Variants in ZNF831 observed in about 807,000 individuals in gnomAD.
The protein encoded by ZNF831 is chromosome 20 open reading frame 174.
ZNF831 carries 59 observed loss-of-function variants against 95.8 expected under a neutral mutation model. The observed-to-expected ratio is 0.62, with a 90% CI of 0.50 to 0.77. The LOEUF (loss-of-function observed/expected upper bound fraction) is 0.77. Ranked by LOEUF, ZNF831 falls within the 30% of genes least tolerant of loss-of-function variation. The pLI, the probability that ZNF831 is intolerant of heterozygous loss-of-function variation, is 0.00. For synonymous variants in ZNF831, 961 were observed against 925.5 expected, an observed-to-expected ratio of 1.04 and a Z score of -0.70; for missense variants, 2,205 against 2,164.0, an observed-to-expected ratio of 1.02 and a Z score of -0.38.
chr20:59,206,056 T>G (rs1601397138), intron 3 of ZNF831, among the ~76,000 whole-genome samples: 2 of 152,380 alleles, frequency 1.3e-5, no homozygotes, highest in Admixed American at 1.3e-4. Context: ...CTCTAGTGTT[T>G]TTCTTTCTCT....
chr20:59,251,495 C>T (rs1043970839), intron 4 of ZNF831, among the ~76,000 whole-genome samples: 2 of 152,220 alleles, frequency 1.3e-5, no homozygotes, highest in African/African-American at 4.8e-5. Context: ...AAGAGTTATA[C>T]TTCATGTACC....
Position 59,193,437 on chromosome 20 carries a change from G to C in ZNF831, c.2418G>C (p.Leu806=), listed in dbSNP as rs368491292. Residue 806 remains leucine, a synonymous_variant, in exon 2 of 6, where the codon CTG becomes CTC. Coordinates refer to ENST00000371030, the MANE Select transcript of ZNF831 (RefSeq NM_178457.3). ...QETCLWAQTV[L]RWPSRGSGED... is the part of the protein sequence containing the mutation. ...CCTGCCTGTGGGCCCAGACTGTCCT[G>C]AGATGGCCCAGCAGGGGCTCAGGGG... is the stretch of plus-strand genomic sequence containing the variant. The C allele has an allele frequency of 5.0e-6, 8 of 1,603,260 alleles. No homozygotes were observed. Among genetic ancestry groups the C allele is most frequent in the Non-Finnish European group, 6.8e-6 (8 of 1,175,054 alleles).
chr20:59,148,053 G>A (rs776741308), intron 2 of ZNF831, among the ~76,000 whole-genome samples: 8 of 152,168 alleles, frequency 5.3e-5, no homozygotes, highest in Non-Finnish European at 1.0e-4. Flanking sequence ...TAGAAGAGAC[G>A]TCCCTTATAC....
At position 59,138,025 on chromosome 20, in the gene ZNF831, A is replaced by G. The variant is rs111524746; in HGVS notation, c.-1424-8206A>G. 3.9e-4 allele frequency among the ~76,000 whole-genome samples: 60 copies of G among 152,350 alleles called. 1 individual carries two copies. Among genetic ancestry groups the G allele is most frequent in the African/African-American group, 1.4e-3 (59 of 41,574 alleles). On this transcript the variant is annotated intron_variant, in intron 1 of 7. Coordinates refer to the ZNF831 transcript ENST00000637017. ...GTGTTAAATGTGTATGAATTACTTGACATATTTAATTGCAGGATTAATGCT... is the reference window on the plus strand; with the variant it reads ...GTGTTAAATGTGTATGAATTACTTGGCATATTTAATTGCAGGATTAATGCT...
intron 3 of ZNF831, among the ~76,000 whole-genome samples, chr20:59,205,866 T>A (rs1984858324): frequency 6.6e-6 from 1 of 152,240 alleles, no homozygotes; most frequent in African/African-American, 2.4e-5. Flanking sequence ...GTTGATGGCC[T>A]GTTTGTGGTT....
chr20:59,130,215 GAGA>G (rs1431024650), intron 1 of ZNF831, among the ~76,000 whole-genome samples: 3 of 152,234 alleles, frequency 2.0e-5, no homozygotes, highest in Admixed American at 1.3e-4. Context: ...GCTTGGAGGA[GAGA>G]AGGTTCTCTT....
At chr20:59,199,205 G>A (rs1349969122) in intron 3 of ZNF831, among the ~76,000 whole-genome samples, 2 of 151,370 alleles carry the variant, frequency 1.3e-5, no homozygotes, top group Non-Finnish European at 1.5e-5. Context: ...TTTAATTTCA[G>A]TTGTCTTAAT....
intron 4 of ZNF831, among the ~76,000 whole-genome samples, chr20:59,246,203 C>A (rs139357890): frequency 1.1e-4 from 17 of 152,234 alleles, no homozygotes; most frequent in African/African-American, 4.1e-4. Flanking sequence ...CCAGAGCCCT[C>A]TTCTCTCTCT....
At chr20:59,134,145 G>A (rs1979433416) in intron 1 of ZNF831, among the ~76,000 whole-genome samples, 1 of 152,210 alleles carries the variant, frequency 6.6e-6, no homozygotes, top group Non-Finnish European at 1.5e-5. Flanking sequence ...ATCATGCCCA[G>A]AATCTTGCTG....
In ZNF831 at chr20:59,192,888, C is replaced by A. The variant is rs182458619; in HGVS notation, c.1869C>A (p.Tyr623Ter). ...TCTCCCAGGAGAAGTGGCAGGTGTA[C>A]GGGGATGAGACGTTCAAAAGGATCT... ...KMFSQEKWQV[Y>*]GDETFKRIYQ... Residue 623 changes from tyrosine (Y) to a stop codon, truncating the protein, a stop_gained, in exon 2 of 6, where the codon TAC (tyrosine) becomes TAA (stop). Transcript: ENST00000371030. LOFTEE classifies it high-confidence loss of function. The surrounding 1 kb of genome is among the most constrained non-coding windows in gnomAD (Gnocchi z 5.2). 1.3e-6 allele frequency: 2 copies of A among 1,596,766 alleles called. No homozygotes were observed. Among genetic ancestry groups the A allele is most frequent in the South Asian group, 1.1e-5 (1 of 87,608 alleles).
intron 2 of ZNF831, among the ~76,000 whole-genome samples, chr20:59,152,808 G>A (rs1980322563): frequency 6.6e-6 from 1 of 152,108 alleles, no homozygotes; most frequent in Non-Finnish European, 1.5e-5. Context: ...ATGTGGCTGT[G>A]CTGCAGGCAA....
chr20:59,211,374 G>A (rs1442778919), intron 4 of ZNF831, among the ~76,000 whole-genome samples: 1 of 152,258 alleles, frequency 6.6e-6, no homozygotes. Flanking sequence ...TGCAGGATGT[G>A]GTAGAAGCCC....
At chr20:59,198,627 G>A (rs1984297052) in intron 3 of ZNF831, among the ~76,000 whole-genome samples, 2 of 152,244 alleles carry the variant, frequency 1.3e-5, no homozygotes, top group African/African-American at 2.4e-5. Context: ...ATGGGCACAG[G>A]AAGGGGCAGG....
chr20:59,191,201 C>A lies in ZNF831; in HGVS notation c.182C>A (p.Pro61Gln), dbSNP rs2146544082. The A allele has an allele frequency of 6.4e-7, 1 of 1,572,510 alleles. No homozygotes were observed. Among genetic ancestry groups the A allele is most frequent in the Non-Finnish European group, 8.6e-7 (1 of 1,162,100 alleles). ...PTVFLKALPIPLYHTVPPGGL... is the reference protein window; with the variant it reads ...PTVFLKALPIQLYHTVPPGGL... The stretch of plus-strand genomic sequence containing the variant: ...GTGTTCCTGAAGGCCCTGCCCATCC[C>A]ACTGTACCACACGGTGCCTCCCGGG... The change falls in exon 2 of 6, where the codon CCA becomes CAA. Residue 61 changes from proline (P) to glutamine (Q), a missense_variant. By Grantham distance (76) the Pro-to-Gln change is moderately conservative. Coordinates refer to ENST00000371030, the MANE Select transcript of ZNF831 (RefSeq NM_178457.3).
chr20:59,140,977 G>A (rs1009331165), intron 1 of ZNF831, among the ~76,000 whole-genome samples: 8 of 151,926 alleles, frequency 5.3e-5, no homozygotes, highest in African/African-American at 1.9e-4. Context: ...TCAGCTCACT[G>A]CAACCTCTTC....
intron 1 of ZNF831, among the ~76,000 whole-genome samples, chr20:59,186,442 T>C (rs1479076061): frequency 1.3e-5 from 2 of 152,112 alleles, no homozygotes; most frequent in Non-Finnish European, 2.9e-5. Context: ...CTGAAATAAA[T>C]GGAGCGCTTA....
intron 4 of ZNF831, among the ~76,000 whole-genome samples, chr20:59,236,497 C>T (rs1319176351): frequency 2.0e-5 from 3 of 151,386 alleles, no homozygotes; most frequent in Non-Finnish European, 2.9e-5. Context: ...CACTGTGTTG[C>T]CCACTCTGGA....
At position 59,191,977 on chromosome 20, in the gene ZNF831, G is replaced by A. The variant is rs2146557446; in HGVS notation, c.958G>A (p.Ala320Thr). The A allele has an allele frequency of 1.2e-6, 2 of 1,606,442 alleles. No homozygotes were observed. The highest frequency in any genetic ancestry group is 1.7e-6 in the Non-Finnish European group (2 of 1,177,396). ...GCCGTGCGCCCTGCAGCGGCAGCAG[G>A]CGACGGCAGCGGAGAAGCCCTGGGA... ...GKPCALQRQQ[A>T]TAAEKPWDAK... Residue 320 changes from alanine to threonine, a missense_variant, in exon 2 of 6, where the codon GCG becomes ACG. Coordinates refer to ENST00000371030, the MANE Select transcript of ZNF831 (RefSeq NM_178457.3).
intron 1 of ZNF831, among the ~76,000 whole-genome samples, chr20:59,141,232 A>T (rs567104538): frequency 6.6e-6 from 1 of 152,022 alleles, no homozygotes; most frequent in South Asian, 2.1e-4. Flanking sequence ...TAATTTATTG[A>T]TTTTTTTTCT....
Sources: allele counts gnomAD v4.1 joint callset (sites outside exome capture counted in the v4.1 genomes callset), GRCh38; gene constraint gnomAD v4.1.1; non-coding constraint Gnocchi (gnomAD v3.1); transcripts MANE v1.5; gene names NCBI Gene and HGNC (gene_info 2026-07-23, HGNC 2026-07-21).